Variants in ARFGEF1 observed in about 807,000 individuals in gnomAD.
The protein encoded by ARFGEF1 is ARF guanine nucleotide exchange factor 1.
In ARFGEF1, 42 loss-of-function variants were observed where a neutral mutation model predicts 231.0. That is an observed-to-expected ratio of 0.18 (90% CI 0.14 to 0.24). ARFGEF1 has a LOEUF of 0.24. Ranked by LOEUF, ARFGEF1 falls within the 10% of genes least tolerant of loss-of-function variation. ARFGEF1 has a pLI of 1.00. For synonymous variants in ARFGEF1, 710 were observed against 732.3 expected (o/e 0.97, Z 0.49); for missense variants, 1,345 against 2,192.0 (o/e 0.61, Z 7.72).
intron 7 of ARFGEF1, among the ~76,000 whole-genome samples, chr8:67,278,437 T>C (rs1239634438): frequency 3.3e-5 from 5 of 152,230 alleles, no homozygotes; most frequent in Admixed American, 6.5e-5. Context: ...TTGTTACTAA[T>C]TGATAACATG....
At chr8:67,333,119 T>C (rs1000543485) in intron 1 of ARFGEF1, among the ~76,000 whole-genome samples, 1 of 149,640 alleles carries the variant, frequency 6.7e-6, no homozygotes, top group African/African-American at 2.5e-5. Flanking sequence ...TACTGCAACC[T>C]CCACCTCCCG....
At chr8:67,183,749 G>A (rs951399284) in intron 5 of ARFGEF1, among the ~76,000 whole-genome samples, 4 of 150,276 alleles carry the variant, frequency 2.7e-5, no homozygotes, top group African/African-American at 7.4e-5. Context: ...AAATCTAGAC[G>A]ACCTTGGATA....
At chr8:67,200,578 A>G in intron 37 of ARFGEF1, 65 bp from the exon 38 acceptor site, 2 of 969,568 alleles carry the variant, frequency 2.1e-6, no homozygotes, top group Non-Finnish European at 3.2e-6. Context: ...TTCACCGAGA[A>G]AGAGCAATCA....
At chr8:67,236,368 A>AT (rs1839762136) in intron 22 of ARFGEF1, among the ~76,000 whole-genome samples, 1 of 26,228 alleles carries the variant, frequency 3.8e-5, no homozygotes, top group Non-Finnish European at 6.5e-5. Context: ...AAAAAAAAAT[A>AT]TATATATATA....
chr8:67,244,273 C>A lies in ARFGEF1; in HGVS notation c.2851-3983G>T, dbSNP rs1407578382. ...AAAAAAAAAAAAAAAAAAAAACATTCGACTACTGAGTCTCTCGTCTCTCTC... is the reference window on the plus strand; with the variant it reads ...AAAAAAAAAAAAAAAAAAAAACATTAGACTACTGAGTCTCTCGTCTCTCTC... On this transcript the variant is annotated intron_variant, in intron 19 of 38. Coordinates refer to ENST00000262215, the MANE Select transcript of ARFGEF1 (RefSeq NM_006421.5). Among the ~76,000 whole-genome samples the A allele has an allele frequency of 3.1e-4, 5 of 16,386 alleles. 2 individuals carry two copies. Among genetic ancestry groups the A allele is most frequent in the African/African-American group, 1.4e-3 (3 of 2,204 alleles). The allele number at this position is 16,386 out of a possible 152,430, so 10.7% of individuals were successfully genotyped here.
Position 67,296,570 on chromosome 8 carries a change from T to G in ARFGEF1, c.500A>C (p.His167Pro). The G allele has an allele frequency of 6.2e-7, 1 of 1,613,696 alleles. No individual in the cohort carries two copies. Among genetic ancestry groups the G allele is most frequent in the Non-Finnish European group, 8.5e-7 (1 of 1,179,784 alleles). ...CACAGCTTGCAGTACAGTCCCTTCA[T>G]GAATTTCTATGTGTTGTGATGTTAC... Reference protein sequence around the residue: ...TAVTSQHIEIHEGTVLQAVRT... With the variant: ...TAVTSQHIEIPEGTVLQAVRT... The change falls in exon 5 of 39, where the codon CAT (histidine) becomes CCT (proline). Residue 167 changes from histidine to proline, a missense_variant. This residue lies in a region of ARFGEF1 where 398 missense variants were observed against 463.2 expected (regional missense o/e 0.86). Coordinates refer to ENST00000262215, the MANE Select transcript of ARFGEF1 (RefSeq NM_006421.5).
chr8:67,262,909 G>T (rs1056117668), intron 14 of ARFGEF1, among the ~76,000 whole-genome samples: 2 of 152,096 alleles, frequency 1.3e-5, no homozygotes, highest in Non-Finnish European at 2.9e-5. Flanking sequence ...CAAAAAAATG[G>T]TGTGACTCAC....
intron 6 of ARFGEF1, among the ~76,000 whole-genome samples, chr8:67,288,286 G>A (rs1244838398): frequency 6.7e-6 from 1 of 150,286 alleles, no homozygotes; most frequent in East Asian, 1.9e-4. Context: ...CCTTTGACAA[G>A]CTATTACATT....
chr8:67,320,010 C>CA (rs1807506390), intron 1 of ARFGEF1, among the ~76,000 whole-genome samples: 1 of 151,912 alleles, frequency 6.6e-6, no homozygotes, highest in Non-Finnish European at 1.5e-5. Flanking sequence ...CACCTGAGGT[C>CA]AGGATTTCGA....
downstream of ARFGEF1, chr8:67,195,720 T>A: frequency 2.9e-6 from 2 of 680,950 alleles, no homozygotes; most frequent in Non-Finnish European, 5.0e-6. Context: ...GTATATAAAA[T>A]TATTTTTATC....
At chr8:67,203,627 C>G (rs950327140) in intron 35 of ARFGEF1, among the ~76,000 whole-genome samples, 2 of 152,264 alleles carry the variant, frequency 1.3e-5, no homozygotes, top group Non-Finnish European at 2.9e-5. Flanking sequence ...CTGGAGAAAG[C>G]AGACTGGTTT....
At chr8:67,290,224 C>T (rs1587234572) in intron 6 of ARFGEF1, among the ~76,000 whole-genome samples, 1 of 152,292 alleles carries the variant, frequency 6.6e-6, no homozygotes, top group East Asian at 1.9e-4. Flanking sequence ...TTCTACAAGG[C>T]TTCTACAGCG....
chr8:67,342,684 A>G (rs1405596835), intron 1 of ARFGEF1, among the ~76,000 whole-genome samples: 1 of 152,120 alleles, frequency 6.6e-6, no homozygotes, highest in Non-Finnish European at 1.5e-5. Context: ...CAAGGAAACA[A>G]CTTCAGCAGC....
intron 1 of ARFGEF1, among the ~76,000 whole-genome samples, chr8:67,303,992 G>A (rs1329329127): frequency 2.0e-5 from 3 of 152,154 alleles, no homozygotes; most frequent in Non-Finnish European, 4.4e-5. Flanking sequence ...TGCATGGCTT[G>A]GACGTATGGC....
At chr8:67,258,389 G>A in intron 15 of ARFGEF1, 99 bp from the exon 16 acceptor site, 8 of 813,320 alleles carry the variant, frequency 9.8e-6, no homozygotes, top group Middle Eastern at 3.7e-4. Context: ...GCAGTGGCAC[G>A]ATCTCGGCTC....
intron 10 of ARFGEF1, 22 bp from the exon 11 acceptor site, chr8:67,267,464 T>C (rs1040247108): frequency 3.5e-6 from 5 of 1,433,966 alleles, no homozygotes; most frequent in Non-Finnish European, 3.9e-6. Flanking sequence ...AGAAAACTTC[T>C]GTTTAAAATA....
chr8:67,253,714 TAAATACTTTTGAGGATAGA>T (rs1840368504), intron 17 of ARFGEF1, 92 bp from the exon 18 acceptor site: 1 of 695,980 alleles, frequency 1.4e-6, no homozygotes, highest in Non-Finnish European at 2.1e-6. Context: ...AGAGATTTTG[TAAATACTTTTGAGGATAGA>T]AACTGGAAAG....
chr8:67,220,058 T>C (rs1839094585), intron 29 of ARFGEF1, among the ~76,000 whole-genome samples: 1 of 152,186 alleles, frequency 6.6e-6, no homozygotes. Context: ...CACTAAGGCA[T>C]AAGCTCCATG....
At chr8:67,266,282 G>C in intron 13 of ARFGEF1, 75 bp from the exon 14 acceptor site, 1 of 1,198,754 alleles carries the variant, frequency 8.3e-7, no homozygotes, top group Non-Finnish European at 1.2e-6. Flanking sequence ...ACAAATTCTT[G>C]AATAAGGCAA....
Sources: gnomAD v4.1 joint callset for allele counts (sites outside exome capture counted in the v4.1 genomes callset) on GRCh38, gnomAD v4.1.1 for gene constraint, gnomAD v4.1.1 regional missense constraint, MANE v1.5 for transcripts, NCBI Gene and HGNC (gene_info 2026-07-23, HGNC 2026-07-21) for gene names.